NDUFV2: variants seen among roughly 807,000 people sequenced by gnomAD.
NDUFV2 encodes the protein NADH:ubiquinone oxidoreductase core subunit V2.
NDUFV2 carries 18 observed loss-of-function variants against 31.6 expected under a neutral mutation model. The observed-to-expected ratio is 0.57, with a 90% CI of 0.39 to 0.84. The LOEUF is 0.84. Ranked by LOEUF, NDUFV2 falls within the 40% of genes least tolerant of loss-of-function variation. NDUFV2 has a pLI of 0.00. For missense variants in NDUFV2, 314 were observed against 303.6 expected, an observed-to-expected ratio of 1.03 and a Z score of -0.26; for synonymous variants, 83 against 99.8, an observed-to-expected ratio of 0.83 and a Z score of 1.01.
At chr18:9,107,491 A>G (rs1253868542) in intron 1 of NDUFV2, among the ~76,000 whole-genome samples, 1 of 152,222 alleles carries the variant, frequency 6.6e-6, no homozygotes, top group Non-Finnish European at 1.5e-5. Flanking sequence ...GACAGTTTAC[A>G]CACATTTTGG....
intron 7 of NDUFV2, 96 bp from the exon 8 acceptor site, chr18:9,134,090 G>C: frequency 1.2e-6 from 1 of 853,252 alleles, no homozygotes; most frequent in Non-Finnish European, 1.9e-6. Flanking sequence ...GGTAAAAATA[G>C]TTACTTAACT....
intron 1 of NDUFV2, among the ~76,000 whole-genome samples, chr18:9,108,776 T>C (rs7227910): frequency 0.79 from 118,685 of 150,326 alleles, 47,068 homozygotes; most frequent in Middle Eastern, 0.88. Flanking sequence ...CTGCAACCTC[T>C]GCCTCCCGGG....
chr18:9,114,445 CTT>C (rs58160760), intron 1 of NDUFV2, among the ~76,000 whole-genome samples: 2,864 of 135,848 alleles, frequency 0.021, 83 homozygotes, highest in African/African-American at 0.073. Context: ...TTGTTTGGAT[CTT>C]TTTTTTTTTT....
At chr18:9,111,654 C>T (rs1327954815) in intron 1 of NDUFV2, among the ~76,000 whole-genome samples, 1 of 151,932 alleles carries the variant, frequency 6.6e-6, no homozygotes, top group Non-Finnish European at 1.5e-5. Context: ...GTCTCGAACT[C>T]ATGACCTCAG....
intron 1 of NDUFV2, among the ~76,000 whole-genome samples, chr18:9,105,407 GATA>G (rs1373818727): frequency 6.6e-6 from 1 of 152,160 alleles, no homozygotes; most frequent in Non-Finnish European, 1.5e-5. Flanking sequence ...TGTAAACTGA[GATA>G]ATACCTCATA....
At chr18:9,114,457 TTTTTTTTTA>T (rs1438107028) in intron 1 of NDUFV2, among the ~76,000 whole-genome samples, 1 of 151,844 alleles carries the variant, frequency 6.6e-6, no homozygotes, top group Non-Finnish European at 1.5e-5. Flanking sequence ...TTTTTTTTTT[TTTTTTTTTA>T]GTTATTAAAT....
chr18:9,117,716 A>G (rs2077905824), intron 1 of NDUFV2, 122 bp from the exon 2 acceptor site: 3 of 666,880 alleles, frequency 4.5e-6, no homozygotes, highest in South Asian at 3.3e-5. Flanking sequence ...AGAATACCAT[A>G]TTTCTTAAGA....
At chr18:9,122,972 A>G (rs968584650) in intron 5 of NDUFV2, among the ~76,000 whole-genome samples, 1 of 149,972 alleles carries the variant, frequency 6.7e-6, no homozygotes, top group East Asian at 1.9e-4. Flanking sequence ...TCACTTAGAA[A>G]ATTGTTTCAC....
At chr18:9,131,139 GAA>G (rs1348281144) in intron 7 of NDUFV2, among the ~76,000 whole-genome samples, 1 of 152,092 alleles carries the variant, frequency 6.6e-6, no homozygotes, top group Non-Finnish European at 1.5e-5. Context: ...CTAGAGAAAA[GAA>G]AATGTTATTA....
chr18:9,118,061 G>T (rs2077908037), intron 2 of NDUFV2, among the ~76,000 whole-genome samples, 158 bp downstream of exon 2: 1 of 152,168 alleles, frequency 6.6e-6, no homozygotes, highest in Non-Finnish European at 1.5e-5. Flanking sequence ...CATTTCAAAA[G>T]ATGTTGGTTC....
intron 1 of NDUFV2, chr18:9,103,882 C>A: frequency 2.7e-6 from 1 of 374,342 alleles, no homozygotes; most frequent in South Asian, 4.6e-5. Context: ...TTCTGTATGC[C>A]AAGCACCGAG....
intron 7 of NDUFV2, among the ~76,000 whole-genome samples, chr18:9,133,174 C>CT: frequency 6.6e-6 from 1 of 152,276 alleles, no homozygotes; most frequent in East Asian, 1.9e-4. Flanking sequence ...CCCTAGGGCT[C>CT]TAAAGAACAG....
chr18:9,112,962 C>T lies in NDUFV2; in HGVS notation c.55-4876C>T, dbSNP rs572525288. Among the ~76,000 whole-genome samples the T allele has an allele frequency of 3.9e-5, 6 of 152,144 alleles. No homozygotes were observed. In the South Asian group the frequency reaches 1.2e-3, roughly 32 times the overall value. The stretch of plus-strand genomic sequence containing the variant: ...ATATATGTTAACCCATGATACATCC[C>T]ACCTTCTAACTTTCCACATTCTAAC... On this transcript the variant is annotated intron_variant, in intron 1 of 7. Coordinates refer to ENST00000318388, the MANE Select transcript of NDUFV2 (RefSeq NM_021074.5).
chr18:9,113,033 T>TA (rs2077879653), intron 1 of NDUFV2, among the ~76,000 whole-genome samples: 1 of 149,836 alleles, frequency 6.7e-6, no homozygotes, highest in Admixed American at 6.6e-5. Context: ...ATTCCATAAA[T>TA]ACTCTACATA....
intron 4 of NDUFV2, among the ~76,000 whole-genome samples, chr18:9,120,169 A>AT (rs1415219368): frequency 6.6e-6 from 1 of 152,188 alleles, no homozygotes; most frequent in Non-Finnish European, 1.5e-5. Flanking sequence ...TTTCAAGTTT[A>AT]TTCGTATCCT....
chr18:9,107,760 C>G (rs1355162903), intron 1 of NDUFV2, among the ~76,000 whole-genome samples: 1 of 151,946 alleles, frequency 6.6e-6, no homozygotes, highest in Admixed American at 6.6e-5. Context: ...AAAAGGTGTA[C>G]CAGTGTAAGC....
Position 9,126,922 on chromosome 18 carries a change from T to C in NDUFV2, c.656+15T>C. On this transcript the variant is annotated intron_variant, in intron 7 of 7. Coordinates refer to ENST00000318388, the MANE Select transcript of NDUFV2 (RefSeq NM_021074.5). ...CCAGGGCCAAGGTATGCTTTATTTA[T>C]ATATAGGAAGTTTTAGTGGCTCACC... 2 of 1,606,354 alleles carry C rather than the reference T, an allele frequency of 1.2e-6. No homozygotes were observed. Among genetic ancestry groups the C allele is most frequent in the Non-Finnish European group, 1.7e-6 (2 of 1,173,036 alleles).
intron 4 of NDUFV2, 49 bp from the exon 5 acceptor site, chr18:9,122,464 C>G: frequency 6.9e-7 from 1 of 1,440,940 alleles, no homozygotes. Flanking sequence ...ATTAAAGCTC[C>G]ATTACTAACA....
In NDUFV2 at chr18:9,122,503, A is replaced by G. The variant is rs756241126; in HGVS notation, c.301-10A>G. On this transcript the variant is annotated splice_polypyrimidine_tract_variant and intron_variant, in intron 4 of 7. Transcript: ENST00000318388. ...TAATTATCTTATTTTTAAATGTCCT[A>G]ATATTTTAGGTTGCAGAAGTTTTAC... is the stretch of plus-strand genomic sequence containing the variant. 4.6e-5 allele frequency: 73 copies of G among 1,593,552 alleles called. No individual in the cohort carries two copies. The South Asian group carries it at 7.7e-4, about 17-fold the overall frequency.
Sources: allele counts gnomAD v4.1 joint callset (sites outside exome capture counted in the v4.1 genomes callset), GRCh38; gene constraint gnomAD v4.1.1; transcripts MANE v1.5; gene names NCBI Gene and HGNC (gene_info 2026-07-23, HGNC 2026-07-21).